KANSL1: variants seen among roughly 807,000 people sequenced by gnomAD.
The protein encoded by KANSL1 is MLL1/MLL complex subunit KANSL1.
KANSL1 carries 22 observed loss-of-function variants against 103.6 expected under a neutral mutation model. The ratio of observed to expected loss-of-function variants is 0.21; its 90% CI spans 0.15 to 0.30. KANSL1 has a LOEUF of 0.30. KANSL1 is among the 10% of genes least tolerant of loss of function. The pLI, the probability that KANSL1 is intolerant of heterozygous loss-of-function variation, is 1.00. For synonymous variants in KANSL1, 600 were observed against 527.6 expected (o/e 1.14, Z -1.88); for missense variants, 1,337 against 1,399.8 (o/e 0.96, Z 0.72).
At chr17:46,173,806 A>C (rs1262214429) in intron 1 of KANSL1, among the ~76,000 whole-genome samples, 1 of 152,184 alleles carries the variant, frequency 6.6e-6, no homozygotes, top group Admixed American at 6.5e-5. Context: ...AAAAATTATG[A>C]ATTATCTTGA....
intron 6 of KANSL1, among the ~76,000 whole-genome samples, chr17:46,064,968 G>T (rs76682988): frequency 0.14 from 21,692 of 150,810 alleles, 2,095 homozygotes; most frequent in Non-Finnish European, 0.22. Flanking sequence ...TGTTTTTTTT[G>T]TTTGTTTTTT....
chr17:46,184,285 GA>G (rs1244246954), intron 1 of KANSL1, among the ~76,000 whole-genome samples: 1 of 152,206 alleles, frequency 6.6e-6, no homozygotes, highest in Non-Finnish European at 1.5e-5. Flanking sequence ...GCAACACACA[GA>G]ATGACAGGCA....
At chr17:46,114,607 T>C (rs938539568) in intron 2 of KANSL1, among the ~76,000 whole-genome samples, 2 of 152,238 alleles carry the variant, frequency 1.3e-5, no homozygotes, top group Admixed American at 1.3e-4. Context: ...TTTATTACAA[T>C]CTTTCAAGCA....
rs2078834423 is a variant in KANSL1, at chr17:46,077,708, C to T, written c.1533+4733G>A. On this transcript the variant is annotated intron_variant, in intron 4 of 14. Transcript: ENST00000432791. ...GAGTAGCTGGGATTACAGGTGTCTG[C>T]CACCACGCTTGGATAATTTTTGTAT... Among the ~76,000 whole-genome samples the T allele has an allele frequency of 6.6e-5, 10 of 152,220 alleles. No homozygotes were observed. The South Asian group carries it at 2.1e-3, about 32-fold the overall frequency.
chr17:46,158,540 T>C (rs1444440868), intron 2 of KANSL1, among the ~76,000 whole-genome samples: 2 of 152,050 alleles, frequency 1.3e-5, no homozygotes, highest in African/African-American at 4.8e-5. Flanking sequence ...TTTTTGTATT[T>C]TTTGTTTTGT....
chr17:46,043,524 G>A (rs978678420), intron 7 of KANSL1: 2 of 152,180 alleles, frequency 1.3e-5, no homozygotes, highest in African/African-American at 2.4e-5. Flanking sequence ...TAACCCTCCT[G>A]TTGTACTGGA....
In KANSL1 at chr17:46,101,172, G is replaced by C. The variant is rs577250067; in HGVS notation, c.1290-6471C>G. Reference sequence around the variant, plus strand: ...GCCAGATTAACAGTTTTCAGGGTAAGAGTTAGGGTCACTGTGGGGCAGGAA... The same window carrying C: ...GCCAGATTAACAGTTTTCAGGGTAACAGTTAGGGTCACTGTGGGGCAGGAA... On this transcript the variant is annotated intron_variant, in intron 2 of 14. Coordinates refer to ENST00000432791, the MANE Select transcript of KANSL1 (RefSeq NM_015443.4). Among the ~76,000 whole-genome samples the C allele has an allele frequency of 3.9e-5, 6 of 152,262 alleles. No individual in the cohort carries two copies. The South Asian group carries it at 1.2e-3, about 32-fold the overall frequency.
intron 2 of KANSL1, among the ~76,000 whole-genome samples, chr17:46,139,968 G>A (rs764562324): frequency 2.0e-5 from 3 of 152,210 alleles, no homozygotes; most frequent in Non-Finnish European, 4.4e-5. Flanking sequence ...AATCCAGAGA[G>A]ACAAAAACTT....
intron 3 of KANSL1, among the ~76,000 whole-genome samples, chr17:46,083,810 T>G (rs1050514727): frequency 6.6e-6 from 1 of 152,140 alleles, no homozygotes; most frequent in African/African-American, 2.4e-5. Context: ...AAAGTATAGA[T>G]TTGGGGGACT....
chr17:46,129,632 A>C (rs552100116), intron 2 of KANSL1, among the ~76,000 whole-genome samples: 3 of 152,344 alleles, frequency 2.0e-5, no homozygotes, highest in East Asian at 3.9e-4. Context: ...ACACAGACAA[A>C]ATATATTTAG....
chr17:46,149,039 ATCG>A (rs2044914916), intron 2 of KANSL1, among the ~76,000 whole-genome samples: 1 of 129,570 alleles, frequency 7.7e-6, no homozygotes, highest in African/African-American at 3.1e-5. Context: ...GTCTCGCTCT[ATCG>A]CCCAGGCTGG....
At chr17:46,205,922 C>A (rs1334268225) in intron 1 of KANSL1, among the ~76,000 whole-genome samples, 7 of 151,660 alleles carry the variant, frequency 4.6e-5, no homozygotes, top group Admixed American at 4.6e-4. Flanking sequence ...TACAAAAATA[C>A]AAAAATGAGC....
intron 2 of KANSL1, among the ~76,000 whole-genome samples, chr17:46,148,398 A>G (rs2044855932): frequency 6.6e-6 from 1 of 152,256 alleles, no homozygotes; most frequent in African/African-American, 2.4e-5. Flanking sequence ...TGGTTGGACC[A>G]TGACAAAAAC....
intron 6 of KANSL1, among the ~76,000 whole-genome samples, chr17:46,060,943 C>T (rs1014137994): frequency 2.0e-5 from 3 of 152,140 alleles, no homozygotes; most frequent in Non-Finnish European, 2.9e-5. Context: ...ACAACAAGGA[C>T]TACAAAATTC....
chr17:46,122,831 TA>T (rs147036746), intron 2 of KANSL1, among the ~76,000 whole-genome samples: 2 of 152,320 alleles, frequency 1.3e-5, no homozygotes, highest in East Asian at 3.9e-4. Context: ...ACCGCACCCA[TA>T]AAAGATGGAA....
chr17:46,165,406 G>T (rs1434672268), intron 2 of KANSL1, among the ~76,000 whole-genome samples: 2 of 151,986 alleles, frequency 1.3e-5, no homozygotes, highest in African/African-American at 2.4e-5. Flanking sequence ...CTAATTTTTT[G>T]AATTTTTAGT....
At position 46,034,560 on chromosome 17, in the gene KANSL1, G is replaced by A. The variant is rs978274813; in HGVS notation, c.2542-275C>T. ...AGGGCTCATGCGTAAATTTCATAGG[G>A]GTGGGTACCTGGGATCTTAACTGTT... On this transcript the variant is annotated intron_variant, in intron 10 of 14. Coordinates refer to ENST00000432791, the MANE Select transcript of KANSL1 (RefSeq NM_015443.4). 6 of 368,622 alleles carry A rather than the reference G, an allele frequency of 1.6e-5. No individual in the cohort carries two copies. In the East Asian group the frequency reaches 4.4e-4, roughly 27 times the overall value. 22.8% of individuals were successfully genotyped at this position (368,622 alleles called of 1,614,324 possible).
At chr17:46,191,934 T>A (rs2047350592) in intron 1 of KANSL1, among the ~76,000 whole-genome samples, 1 of 137,870 alleles carries the variant, frequency 7.3e-6, no homozygotes, top group Non-Finnish European at 1.5e-5. Context: ...GAGTTGTGCT[T>A]CTAACACCCT....
chr17:46,119,200 C>T (rs969885184), intron 2 of KANSL1, among the ~76,000 whole-genome samples: 1 of 152,216 alleles, frequency 6.6e-6, no homozygotes, highest in African/African-American at 2.4e-5. Context: ...TATCCCCATA[C>T]TACAGATGGA....
Sources: allele counts gnomAD v4.1 joint callset (sites outside exome capture counted in the v4.1 genomes callset), GRCh38; gene constraint gnomAD v4.1.1; transcripts MANE v1.5; gene names NCBI Gene and HGNC (gene_info 2026-07-23, HGNC 2026-07-21).